Variants in LRP1B observed in about 807,000 individuals in gnomAD.
LRP1B encodes low-density lipoprotein receptor-related protein 1B.
Under a neutral mutation model 556.6 loss-of-function variants are expected in LRP1B, and 217 were observed. That is an observed-to-expected ratio of 0.39 (90% CI 0.35 to 0.44). LRP1B has a LOEUF of 0.44. Among genes scored for constraint, LRP1B ranks in the 20% least tolerant of loss-of-function variants. The pLI is 1.00. For missense variants in LRP1B, 5,053 were observed against 5,620.8 expected (o/e 0.90, Z 3.23); for synonymous variants, 2,047 against 1,865.8 (o/e 1.10, Z -2.50).
At chr2:141,438,235 T>C (rs185139356) in intron 3 of LRP1B, among the ~76,000 whole-genome samples, 14 of 152,286 alleles carry the variant, frequency 9.2e-5, no homozygotes, top group Admixed American at 7.2e-4. Context: ...TTCATATCAC[T>C]TTTTGTGTAT....
At chr2:140,586,441 T>A (rs1558985875) in intron 43 of LRP1B, among the ~76,000 whole-genome samples, 1 of 152,180 alleles carries the variant, frequency 6.6e-6, no homozygotes, top group Non-Finnish European at 1.5e-5. Context: ...GGAAAAAGGC[T>A]GTGACACACC....
At chr2:140,307,655 TG>T (rs2105021026) in intron 83 of LRP1B, among the ~76,000 whole-genome samples, 1 of 152,012 alleles carries the variant, frequency 6.6e-6, no homozygotes, top group African/African-American at 2.4e-5. Context: ...TAAATTTATA[TG>T]ATTTGGTTAC....
chr2:140,907,130 A>C (rs1694280485), intron 22 of LRP1B, among the ~76,000 whole-genome samples: 1 of 152,056 alleles, frequency 6.6e-6, no homozygotes, highest in African/African-American at 2.4e-5. Flanking sequence ...GCCTCAAGTC[A>C]TCTCATTATT....
intron 2 of LRP1B, among the ~76,000 whole-genome samples, chr2:141,554,366 GATTATATATCTATAGGAATAGATATAC>G (rs1464559481): frequency 5.4e-5 from 8 of 149,176 alleles, no homozygotes; most frequent in South Asian, 4.3e-4. Flanking sequence ...CATAGATATA[GATTATATATCTATAGGAATAGATATAC>G]ATTATATATC....
intron 2 of LRP1B, among the ~76,000 whole-genome samples, chr2:141,577,108 T>C (rs1320444692): frequency 1.3e-5 from 2 of 152,302 alleles, no homozygotes; most frequent in South Asian, 2.1e-4. Flanking sequence ...CAGTGATCAT[T>C]GGTGACTATT....
At chr2:141,012,982 T>A (rs921680706) in intron 14 of LRP1B, among the ~76,000 whole-genome samples, 2 of 150,628 alleles carry the variant, frequency 1.3e-5, no homozygotes, top group Non-Finnish European at 3.0e-5. Context: ...GATGTCCTAA[T>A]GAGTATTAAT....
chr2:140,896,861 CA>C (rs2105212511), intron 23 of LRP1B, among the ~76,000 whole-genome samples: 1 of 151,944 alleles, frequency 6.6e-6, no homozygotes, highest in South Asian at 2.1e-4. Context: ...AGAAAGAAAA[CA>C]TTTTAAAAGG....
At position 140,541,792 on chromosome 2, in the gene LRP1B, A is replaced by G. The variant is rs753705108; in HGVS notation, c.7374T>C (p.Asn2458=). Residue 2458 remains asparagine (N), a synonymous_variant, in exon 44 of 91, where the codon AAT becomes AAC. Transcript: ENST00000389484. The part of the protein sequence containing the change: ...HQPMGIIAVA[N]DTNSCELSPC... ...ATTATAACTTACAGCTATTGGTGTC[A>G]TTGGCAACAGCTATGATTCCCATTG... The G allele has an allele frequency of 3.7e-6, 6 of 1,611,040 alleles. No homozygotes were observed. In the East Asian group the frequency reaches 6.7e-5, roughly 18 times the overall value.
At chr2:140,994,759 C>T (rs1012289107) in intron 15 of LRP1B, among the ~76,000 whole-genome samples, 1 of 151,928 alleles carries the variant, frequency 6.6e-6, no homozygotes, top group African/African-American at 2.4e-5. Context: ...TAAAATTTTA[C>T]ATACTTTAAA....
At chr2:141,849,769 A>G (rs1250219667) in intron 1 of LRP1B, among the ~76,000 whole-genome samples, 1 of 151,658 alleles carries the variant, frequency 6.6e-6, no homozygotes, top group Non-Finnish European at 1.5e-5. Flanking sequence ...TAACCTGTCA[A>G]ATTTATTGAT....
chr2:140,546,354 A>G (rs1356896386), intron 43 of LRP1B, among the ~76,000 whole-genome samples: 2 of 151,970 alleles, frequency 1.3e-5, no homozygotes, highest in African/African-American at 4.8e-5. Flanking sequence ...TCCTTGTTGT[A>G]TTAGTACATT....
chr2:140,383,037 T>C (rs1365636557), intron 67 of LRP1B, among the ~76,000 whole-genome samples: 1 of 152,196 alleles, frequency 6.6e-6, no homozygotes, highest in African/African-American at 2.4e-5. Context: ...CTGTACCATC[T>C]ATGTTTGTGT....
intron 43 of LRP1B, among the ~76,000 whole-genome samples, chr2:140,563,670 A>T (rs536596402): frequency 1.3e-5 from 2 of 152,276 alleles, no homozygotes; most frequent in South Asian, 4.2e-4. Flanking sequence ...ATTTTATAGG[A>T]CATTCAATCA....
chr2:140,590,197 C>T (rs1682159360), intron 43 of LRP1B, among the ~76,000 whole-genome samples: 1 of 148,402 alleles, frequency 6.7e-6, no homozygotes, highest in African/African-American at 2.5e-5. Flanking sequence ...AATTTCACAA[C>T]CTAAAGGCTT....
chr2:140,988,448 G>T (rs1207344866), intron 17 of LRP1B, among the ~76,000 whole-genome samples: 1 of 152,134 alleles, frequency 6.6e-6, no homozygotes, highest in Non-Finnish European at 1.5e-5. Flanking sequence ...AATCTGAATA[G>T]AAGACATAGA....
chr2:141,854,790 A>G (rs1697991587), intron 1 of LRP1B, among the ~76,000 whole-genome samples: 1 of 152,054 alleles, frequency 6.6e-6, no homozygotes. Context: ...TTTCTTCTAT[A>G]GAACAGTTTT....
At chr2:140,306,735 T>C (rs1317876884) in intron 83 of LRP1B, among the ~76,000 whole-genome samples, 1 of 152,098 alleles carries the variant, frequency 6.6e-6, no homozygotes, top group Non-Finnish European at 1.5e-5. Context: ...TCTAGTTCTT[T>C]TAATTGTGAT....
chr2:140,972,569 G>A (rs1696460657), intron 18 of LRP1B, among the ~76,000 whole-genome samples: 1 of 144,450 alleles, frequency 6.9e-6, no homozygotes. Flanking sequence ...GACAGTAATT[G>A]TGGAATTAAT....
At chr2:140,547,627 A>C (rs1179888871) in intron 43 of LRP1B, among the ~76,000 whole-genome samples, 4 of 151,954 alleles carry the variant, frequency 2.6e-5, no homozygotes, top group Non-Finnish European at 4.4e-5. Context: ...ATTTGGAACA[A>C]ATCTGTGCCT....
Sources: gnomAD v4.1 joint callset for allele counts (sites outside exome capture counted in the v4.1 genomes callset) on GRCh38, gnomAD v4.1.1 for gene constraint, MANE v1.5 for transcripts, NCBI Gene and HGNC (gene_info 2026-07-23, HGNC 2026-07-21) for gene names.